The following TF variants were observed in gnomAD, a reference collection of about 807,000 sequenced individuals.
The protein encoded by TF is serotransferrin.
Under a neutral mutation model 82.4 loss-of-function variants are expected in TF, and 55 were observed. That is an observed-to-expected ratio of 0.67 (90% CI 0.54 to 0.84). The LOEUF is 0.84. Among genes scored for constraint, TF ranks in the 40% least tolerant of loss-of-function variants. The pLI is 0.00. For missense variants in TF, 737 were observed against 868.4 expected (o/e 0.85, Z 1.90); for synonymous variants, 332 against 332.6 (o/e 1.00, Z 0.02).
chr3:133,755,595 G>A (rs1933804722), intron 5 of TF, 100 bp downstream of exon 5: 1 of 1,547,758 alleles, frequency 6.5e-7, no homozygotes, highest in Admixed American at 1.8e-5. Flanking sequence ...CTGCCTACAG[G>A]GGCATCGAGG....
At chr3:133,722,659 A>G in the TF span, among the ~76,000 whole-genome samples, 10 of 152,168 alleles carry the variant, frequency 6.6e-5, no homozygotes, top group Non-Finnish European at 1.0e-4. Flanking sequence ...CTTTGGCTGC[A>G]TAAAAGTACG....
intron 7 of TF, among the ~76,000 whole-genome samples, 155 bp downstream of exon 7, chr3:133,757,164 C>T (rs546605639): frequency 1.3e-5 from 2 of 152,316 alleles, no homozygotes; most frequent in Non-Finnish European, 2.9e-5. Flanking sequence ...AGCTGGGACT[C>T]CCCACAGAGC....
At chr3:133,669,715 T>C in the TF span, among the ~76,000 whole-genome samples, 1 of 152,214 alleles carries the variant, frequency 6.6e-6, no homozygotes, top group Non-Finnish European at 1.5e-5. Flanking sequence ...AATGGAGCTA[T>C]GAAAGTGAAC....
Position 133,777,131 on chromosome 3 carries a change from A to T in TF, c.1955A>T (p.Asp652Val). ...GAAACCAAGGACCTTCTGTTCAGAG[A>T]TGACACAGTATGTTTGGCCAAACTT... Reference protein sequence around the residue: ...RSETKDLLFRDDTVCLAKLHD... With the variant: ...RSETKDLLFRVDTVCLAKLHD... The change falls in exon 16 of 17, where the codon GAT becomes GTT. Residue 652 changes from aspartate (D) to valine (V), a missense_variant. Coordinates refer to ENST00000402696, the MANE Select transcript of TF (RefSeq NM_001063.4). 1 of 1,614,204 alleles carries T rather than the reference A, an allele frequency of 6.2e-7. No individual in the cohort carries two copies. Among genetic ancestry groups the T allele is most frequent in the Non-Finnish European group, 8.5e-7 (1 of 1,180,036 alleles).
chr3:133,740,371 A>G, the TF span, among the ~76,000 whole-genome samples: 1 of 152,146 alleles, frequency 6.6e-6, no homozygotes, highest in Non-Finnish European at 1.5e-5. Flanking sequence ...ATTAGGAGAA[A>G]TACCTAATGT....
chr3:133,758,001 A>T, intron 8 of TF, 55 bp downstream of exon 8: 1 of 1,580,450 alleles, frequency 6.3e-7, no homozygotes, highest in Non-Finnish European at 8.7e-7. Flanking sequence ...CCTGGTGAGC[A>T]CAGGGGCCAG....
At position 133,766,291 on chromosome 3, in the gene TF, A is replaced by G; in HGVS notation, c.1344A>G (p.Ile448Met). The G allele has an allele frequency of 1.9e-6, 3 of 1,614,160 alleles. No individual in the cohort carries two copies. The stretch of plus-strand genomic sequence containing the variant: ...TCTTTCTTGTAGGGTATTTTGCTAT[A>G]GCAGTGGTGAAGAAATCAGCTTCTG... ...EDTPEAGYFAIAVVKKSASDL... is the reference protein window; with the variant it reads ...EDTPEAGYFAMAVVKKSASDL... The change falls in exon 12 of 17, where the codon ATA (isoleucine) becomes ATG (methionine). Residue 448 changes from isoleucine (I) to methionine (M), a missense_variant. Coordinates refer to ENST00000402696, the MANE Select transcript of TF (RefSeq NM_001063.4).
At chr3:133,756,032 G>C (rs1230464845) in intron 5 of TF, among the ~76,000 whole-genome samples, 1 of 152,082 alleles carries the variant, frequency 6.6e-6, no homozygotes, top group East Asian at 1.9e-4. Flanking sequence ...AAGTTTAAAA[G>C]CTCTTTTCAC....
chr3:133,684,060 G>A, the TF span, among the ~76,000 whole-genome samples: 1 of 152,250 alleles, frequency 6.6e-6, no homozygotes, highest in South Asian at 2.1e-4. Context: ...ACTCAAAACT[G>A]CTCAACTACA....
chr3:133,755,442 A>G lies in TF; in HGVS notation c.582A>G (p.Pro194=), dbSNP rs8177226. The G allele has an allele frequency of 2.0e-3, 3,198 of 1,614,232 alleles. 62 individuals are homozygous for G. The African/African-American group carries it at 0.037, about 18-fold the overall frequency. ...TCCCCCAGCTGTGTCAACTGTGTCC[A>G]GGGTGTGGCTGCTCCACCCTTAACC... ...TDFPQLCQLC[P]GCGCSTLNQY... is the part of the protein sequence containing the mutation. The change falls in exon 5 of 17, where the codon CCA becomes CCG. Residue 194 remains proline, a synonymous_variant. Transcript: ENST00000402696.
the TF span, among the ~76,000 whole-genome samples, chr3:133,672,049 C>A: frequency 6.6e-6 from 1 of 151,472 alleles, no homozygotes; most frequent in African/African-American, 2.4e-5. Flanking sequence ...ATACTAAATA[C>A]CATATACTAA....
At chr3:133,753,731 G>C in intron 3 of TF, 28 bp downstream of exon 3, 1 of 1,562,644 alleles carries the variant, frequency 6.4e-7, no homozygotes, top group Non-Finnish European at 8.8e-7. Flanking sequence ...CCCCAGGAAG[G>C]AGTTGTCATC....
chr3:133,701,627 G>A, the TF span, among the ~76,000 whole-genome samples: 1 of 152,148 alleles, frequency 6.6e-6, no homozygotes, highest in Non-Finnish European at 1.5e-5. Flanking sequence ...TGGATGGGGA[G>A]CCCAGTCTTG....
the TF span, among the ~76,000 whole-genome samples, chr3:133,698,648 C>T: frequency 6.6e-6 from 1 of 152,172 alleles, no homozygotes; most frequent in Non-Finnish European, 1.5e-5. Context: ...TTCATGAGGA[C>T]ACCAGTCTTT....
chr3:133,689,934 G>A, the TF span, among the ~76,000 whole-genome samples: 1 of 146,292 alleles, frequency 6.8e-6, no homozygotes, highest in African/African-American at 2.6e-5. Context: ...TTTGATACAT[G>A]TATACTAGAT....
chr3:133,664,234 G>A, the TF span, among the ~76,000 whole-genome samples: 6 of 152,184 alleles, frequency 3.9e-5, no homozygotes, highest in Admixed American at 3.3e-4. Context: ...TAGTATCCAC[G>A]GAGGATTGAT....
the TF span, among the ~76,000 whole-genome samples, chr3:133,723,637 TTTATTATTATTATTATTA>T: frequency 7.0e-6 from 1 of 143,584 alleles, no homozygotes; most frequent in African/African-American, 2.6e-5. Context: ...GTTTGGTTCT[TTTATTATTATTATTATTA>T]TTATTATTAT....
the TF span, among the ~76,000 whole-genome samples, chr3:133,683,608 C>G: frequency 6.6e-6 from 1 of 152,086 alleles, no homozygotes. Context: ...ACAAAGAAGG[C>G]CGTTACATAA....
the TF span, among the ~76,000 whole-genome samples, chr3:133,728,876 A>G: frequency 8.7e-4 from 132 of 152,346 alleles, no homozygotes; most frequent in East Asian, 0.024. Flanking sequence ...TTTACCAGAC[A>G]GGACCCTCAG....
Sources: allele counts gnomAD v4.1 joint callset (sites outside exome capture counted in the v4.1 genomes callset), GRCh38; gene constraint gnomAD v4.1.1; transcripts MANE v1.5; gene names NCBI Gene and HGNC (gene_info 2026-07-23, HGNC 2026-07-21).